Variants in KIRREL3 observed in about 807,000 individuals in gnomAD.
KIRREL3 encodes the protein kirre like nephrin family adhesion molecule 3.
Under a neutral mutation model 89.7 loss-of-function variants are expected in KIRREL3, and 36 were observed. The ratio of observed to expected loss-of-function variants is 0.40; its 90% CI spans 0.31 to 0.53. KIRREL3 has a LOEUF of 0.53. Ranked by LOEUF, KIRREL3 falls within the 20% of genes least tolerant of loss-of-function variation. The pLI is 0.49. For missense variants in KIRREL3, 864 were observed against 1,056.6 expected, an observed-to-expected ratio of 0.82 and a Z score of 2.53; for synonymous variants, 445 against 441.4, an observed-to-expected ratio of 1.01 and a Z score of -0.10.
At chr11:126,933,084 G>A (rs1379875075) in intron 1 of KIRREL3, among the ~76,000 whole-genome samples, 1 of 152,180 alleles carries the variant, frequency 6.6e-6, no homozygotes, top group Non-Finnish European at 1.5e-5. Context: ...TTTGGAAGGG[G>A]TGGGGTATCA....
At position 126,446,813 on chromosome 11, in the gene KIRREL3, G is replaced by A; in HGVS notation, c.1071C>T (p.Ala357=). 1 of 1,601,960 alleles carries A rather than the reference G, an allele frequency of 6.2e-7. No individual in the cohort carries two copies. Among genetic ancestry groups the A allele is most frequent in the Non-Finnish European group, 8.5e-7 (1 of 1,174,532 alleles). The change falls in exon 9 of 17, where the codon GCC becomes GCT. Residue 357 remains alanine, a synonymous_variant. Transcript: ENST00000525144. ...TGGTCAGGGATGGGTTGCCGGTCCAGGCGCAGCTGAAGATGGCATCAGAGC... is the reference window on the plus strand; with the variant it reads ...TGGTCAGGGATGGGTTGCCGGTCCAAGCGCAGCTGAAGATGGCATCAGAGC... The part of the protein sequence containing the change: ...DLGSDAIFSC[A]WTGNPSLTIV...
rs1226784533 is a variant in KIRREL3, at chr11:126,948,550, G to T, written c.55+51905C>A. Among the ~76,000 whole-genome samples, 1 of 152,152 alleles carries T rather than the reference G, an allele frequency of 6.6e-6. No individual in the cohort carries two copies. The highest frequency in any genetic ancestry group is 1.5e-5 in the Non-Finnish European group (1 of 68,024). Reference sequence around the variant, plus strand: ...TTATGAGATCAAGAAAACTATGAGGGATTTTAGGCTTCCCAAAAAGCATAA... The same window carrying T: ...TTATGAGATCAAGAAAACTATGAGGTATTTTAGGCTTCCCAAAAAGCATAA... On this transcript the variant is annotated intron_variant, in intron 1 of 16. Coordinates refer to ENST00000525144, the MANE Select transcript of KIRREL3 (RefSeq NM_032531.4). This position sits in a 1 kb window ranked among gnomAD's most constrained non-coding sequence, Gnocchi z 4.5.
chr11:126,859,864 C>G (rs568345449), intron 1 of KIRREL3, among the ~76,000 whole-genome samples: 1 of 152,300 alleles, frequency 6.6e-6, no homozygotes, highest in East Asian at 1.9e-4. Flanking sequence ...CTTGCTATTT[C>G]TGTTTTTGGC....
At chr11:126,439,690 G>A (rs1243269088) in intron 11 of KIRREL3, among the ~76,000 whole-genome samples, 2 of 151,634 alleles carry the variant, frequency 1.3e-5, no homozygotes, top group Non-Finnish European at 2.9e-5. Flanking sequence ...GGTGGCAGAT[G>A]CCTGTAATCC....
At chr11:126,572,462 G>T (rs940125130) in intron 1 of KIRREL3, among the ~76,000 whole-genome samples, 1 of 152,182 alleles carries the variant, frequency 6.6e-6, no homozygotes, top group Non-Finnish European at 1.5e-5. Flanking sequence ...TTAGAACCCA[G>T]GCCCATTTGG....
chr11:126,845,738 T>C (rs992729907), intron 1 of KIRREL3, among the ~76,000 whole-genome samples: 6 of 152,210 alleles, frequency 3.9e-5, no homozygotes, highest in Admixed American at 3.9e-4. Flanking sequence ...TTCCCTTCTA[T>C]GAATTACCTT....
rs1942326338 is a variant in KIRREL3, at chr11:126,594,978, C to A, written c.56-32066G>T. 6.6e-6 allele frequency among the ~76,000 whole-genome samples: 1 copy of A among 152,328 alleles called. No individual in the cohort carries two copies. The highest frequency in any genetic ancestry group is 3.4e-3 in the Middle Eastern group (1 of 294). On this transcript the variant is annotated intron_variant, in intron 1 of 16. Coordinates refer to ENST00000525144, the MANE Select transcript of KIRREL3 (RefSeq NM_032531.4). The surrounding 1 kb of genome is among the most constrained non-coding windows in gnomAD (Gnocchi z 5.0). ...CCTGGGCCCTCGGACCCTCAGGGGC[C>A]TTCTGGGTTGTGAGGCGTGGGGCAC...
At chr11:126,690,364 T>G (rs1208104090) in intron 1 of KIRREL3, among the ~76,000 whole-genome samples, 5 of 151,728 alleles carry the variant, frequency 3.3e-5, no homozygotes, top group Admixed American at 6.6e-5. Context: ...AAGCAGGGGT[T>G]TTTTTTTTTT....
In KIRREL3 at chr11:126,584,617, G is replaced by A. The variant is rs150891792; in HGVS notation, c.56-21705C>T. 2.4e-3 allele frequency among the ~76,000 whole-genome samples: 361 copies of A among 152,280 alleles called. 1 individual carries two copies. Among genetic ancestry groups the A allele is most frequent in the African/African-American group, 8.4e-3 (349 of 41,564 alleles). On this transcript the variant is annotated intron_variant, in intron 1 of 16. Coordinates refer to ENST00000525144, the MANE Select transcript of KIRREL3 (RefSeq NM_032531.4). ...ATGTGGGCTTAACTTTCCTCCTCCT[G>A]TACCAGGGCACTCAGAGTAACACCA...
At chr11:126,505,648 C>G (rs1957995522) in intron 4 of KIRREL3, among the ~76,000 whole-genome samples, 2 of 152,014 alleles carry the variant, frequency 1.3e-5, no homozygotes, top group Non-Finnish European at 2.9e-5. Context: ...GATACACCAT[C>G]TATATATAAT....
At chr11:126,907,563 A>G (rs868618536) in intron 1 of KIRREL3, among the ~76,000 whole-genome samples, 10 of 152,196 alleles carry the variant, frequency 6.6e-5, no homozygotes, top group Middle Eastern at 3.2e-3. Flanking sequence ...CGGCAACCAC[A>G]TTCTTTTTAA....
chr11:126,490,253 A>T lies in KIRREL3; in HGVS notation c.434-16787T>A, dbSNP rs1407573109. ...GTGGCGGGGGCGGGGGAGGCAAGGC[A>T]GCTTTACTTTCTGTGTATGTTTATT... On this transcript the variant is annotated intron_variant, in intron 4 of 16. Coordinates refer to ENST00000525144, the MANE Select transcript of KIRREL3 (RefSeq NM_032531.4). The surrounding 1 kb of genome is among the most constrained non-coding windows in gnomAD (Gnocchi z 4.2). Among the ~76,000 whole-genome samples, 1 of 151,702 alleles carries T rather than the reference A, an allele frequency of 6.6e-6. No homozygotes were observed. The highest frequency in any genetic ancestry group is 1.5e-5 in the Non-Finnish European group (1 of 67,938).
Position 126,837,007 on chromosome 11 carries a change from C to T in KIRREL3, c.55+163448G>A, listed in dbSNP as rs1303864015. On this transcript the variant is annotated intron_variant, in intron 1 of 16. Transcript: ENST00000525144. The surrounding 1 kb of genome is among the most constrained non-coding windows in gnomAD (Gnocchi z 4.7). ...CCCTCAGACATTTATGGGCCTGACC[C>T]ATAGAAGATATTTGTTAAGTATTTT... Among the ~76,000 whole-genome samples, 1 of 151,472 alleles carries T rather than the reference C, an allele frequency of 6.6e-6. No homozygotes were observed. The highest frequency in any genetic ancestry group is 6.6e-5 in the Admixed American group (1 of 15,200).
intron 6 of KIRREL3, among the ~76,000 whole-genome samples, chr11:126,457,418 T>C (rs1956404832): frequency 6.6e-6 from 1 of 151,814 alleles, no homozygotes; most frequent in Non-Finnish European, 1.5e-5. Context: ...CACGTGTGTA[T>C]GTGTGTCTAT....
intron 1 of KIRREL3, among the ~76,000 whole-genome samples, chr11:126,984,275 A>C (rs147293000): frequency 6.6e-6 from 1 of 152,226 alleles, no homozygotes; most frequent in Non-Finnish European, 1.5e-5. Flanking sequence ...AGGAGGAGAA[A>C]AAGGCTCCTT....
rs1306607547 is a variant in KIRREL3 at position 126,664,244 on chromosome 11, T to C, written c.56-101332A>G. Among the ~76,000 whole-genome samples, 1 of 152,108 alleles carries C rather than the reference T, an allele frequency of 6.6e-6. No homozygotes were observed. The highest frequency in any genetic ancestry group is 1.5e-5 in the Non-Finnish European group (1 of 68,024). On this transcript the variant is annotated intron_variant, in intron 1 of 16. Coordinates refer to ENST00000525144, the MANE Select transcript of KIRREL3 (RefSeq NM_032531.4). This position sits in a 1 kb window ranked among gnomAD's most constrained non-coding sequence, Gnocchi z 5.4. ...TTGCTGGGGCCATTAGCATTTTTTT[T>C]TTTTTTACCATCATTATGATCATCA... is the stretch of plus-strand genomic sequence containing the variant.
In KIRREL3 at chr11:126,898,010, C is replaced by A. The variant is rs1473438173; in HGVS notation, c.55+102445G>T. Among the ~76,000 whole-genome samples the A allele has an allele frequency of 6.6e-6, 1 of 152,152 alleles. No homozygotes were observed. The highest frequency in any genetic ancestry group is 1.5e-5 in the Non-Finnish European group (1 of 68,036). On this transcript the variant is annotated intron_variant, in intron 1 of 16. Transcript: ENST00000525144. The surrounding 1 kb of genome is among the most constrained non-coding windows in gnomAD (Gnocchi z 4.9). ...GCACTATTGTGTCACTGAATTCCTA[C>A]AGAATCTTAGCAGTCATTGTGTGGC...
chr11:126,633,000 G>A (rs1053427638), intron 1 of KIRREL3, among the ~76,000 whole-genome samples: 1 of 151,942 alleles, frequency 6.6e-6, no homozygotes, highest in Non-Finnish European at 1.5e-5. Context: ...GCTGAGGCAG[G>A]AGAATCACTT....
chr11:127,001,745 G>A (rs953126430), upstream of KIRREL3, among the ~76,000 whole-genome samples: 8 of 151,784 alleles, frequency 5.3e-5, no homozygotes, highest in Non-Finnish European at 1.0e-4. Flanking sequence ...CTTGGTATAA[G>A]CAGGCCATGG....
Sources: gnomAD v4.1 joint callset for allele counts (sites outside exome capture counted in the v4.1 genomes callset) on GRCh38, gnomAD v4.1.1 for gene constraint, Gnocchi (gnomAD v3.1) non-coding constraint, MANE v1.5 for transcripts, NCBI Gene and HGNC (gene_info 2026-07-23, HGNC 2026-07-21) for gene names.